AKIRIN1: variants seen among roughly 807,000 people sequenced by gnomAD.
AKIRIN1 encodes the protein akirin 1.
In AKIRIN1, 4 loss-of-function variants were observed where a neutral mutation model predicts 25.9. That is an observed-to-expected ratio of 0.15 (90% CI 0.08 to 0.35). The LOEUF (loss-of-function observed/expected upper bound fraction) is 0.35, where lower values mean the gene tolerates loss of function less well. Among genes scored for constraint, AKIRIN1 ranks in the 10% least tolerant of loss-of-function variants. The probability of loss-of-function intolerance (pLI) is 1.00; values close to 1 mark genes in which losing one functional copy is unlikely to be tolerated. For missense variants in AKIRIN1, 243 were observed against 266.1 expected (o/e 0.91, Z 0.61); for synonymous variants, 125 against 105.1 (o/e 1.19, Z -1.16).
At chr1:38,993,664 C>T (rs538868668) in intron 1 of AKIRIN1, among the ~76,000 whole-genome samples, 68 of 149,572 alleles carry the variant, frequency 4.5e-4, no homozygotes, top group Non-Finnish European at 8.3e-4. Context: ...GTGGGCAAGG[C>T]GTGGTGGCTC....
intron 1 of AKIRIN1, among the ~76,000 whole-genome samples, chr1:38,992,262 C>T (rs1470095491): frequency 6.6e-6 from 1 of 152,140 alleles, no homozygotes; most frequent in African/African-American, 2.4e-5. Context: ...TTCTACAGAA[C>T]TAAGAATGTA....
At chr1:38,991,668 G>C in intron 1 of AKIRIN1, 68 bp downstream of exon 1, 1 of 648,118 alleles carries the variant, frequency 1.5e-6, no homozygotes, top group East Asian at 4.7e-5. Flanking sequence ...GGTGGTGGGG[G>C]AGGGTTGGGA....
chr1:38,993,861 G>A (rs942361941), intron 1 of AKIRIN1, among the ~76,000 whole-genome samples: 2 of 151,862 alleles, frequency 1.3e-5, no homozygotes, highest in African/African-American at 4.8e-5. Context: ...ACCTGAGGTC[G>A]GGAGTTCAAG....
Position 39,004,716 on chromosome 1 carries a change from A to G in AKIRIN1, c.*661A>G, listed in dbSNP as rs116861301. ...TATATCTACAGACACGTGGTGAGAA[A>G]TTAGAACAAACTGGAGACGGGCCAT... On this transcript the variant is annotated 3_prime_UTR_variant, in exon 5 of 5. Transcript: ENST00000432648. 4.3e-4 allele frequency: 67 copies of G among 156,812 alleles called. No individual in the cohort carries two copies. In the East Asian group the frequency reaches 0.013, roughly 30 times the overall value. The allele number at this position is 156,812 out of a possible 1,614,324, so 9.7% of individuals were successfully genotyped here.
intron 3 of AKIRIN1, among the ~76,000 whole-genome samples, chr1:39,001,412 C>T (rs996840189): frequency 1.3e-5 from 2 of 151,506 alleles, no homozygotes; most frequent in East Asian, 2.0e-4. Flanking sequence ...TACAGGCATG[C>T]GCCACCATGC....
In AKIRIN1 at chr1:39,001,049, G is replaced by A; in HGVS notation, c.439G>A (p.Asp147Asn). ...CATAATATGTGAGCGCCTCTTAAAA[G>A]ACTATGAAGATAAAATTCGGGAGGA... ...VGIICERLLK[D>N]YEDKIREEYE... Residue 147 changes from aspartate (D) to asparagine (N), a missense_variant, in exon 3 of 5, where the codon GAC becomes AAC. Asp to Asn is a conservative substitution (Grantham distance 23, BLOSUM62 1). Around this residue, in one of 3 missense-constraint regions of AKIRIN1, gnomAD observed 190 missense variants for 174.4 expected, o/e 1.09. Coordinates refer to ENST00000432648, the MANE Select transcript of AKIRIN1 (RefSeq NM_024595.3). The A allele has an allele frequency of 1.2e-6, 2 of 1,613,968 alleles. No homozygotes were observed. Among genetic ancestry groups the A allele is most frequent in the Non-Finnish European group, 1.7e-6 (2 of 1,179,970 alleles).
At chr1:39,002,205 G>A (rs999203946) in intron 3 of AKIRIN1, among the ~76,000 whole-genome samples, 2 of 152,208 alleles carry the variant, frequency 1.3e-5, no homozygotes, top group Non-Finnish European at 2.9e-5. Flanking sequence ...GACAGTGTGA[G>A]TAATTAAGAA....
chr1:38,993,902 C>T (rs969130264), intron 1 of AKIRIN1, among the ~76,000 whole-genome samples: 1 of 151,632 alleles, frequency 6.6e-6, no homozygotes, highest in Non-Finnish European at 1.5e-5. Context: ...GAAATCCTGT[C>T]TCTACTAAAA....
Position 38,991,560 on chromosome 1 carries a change from GC to G in AKIRIN1, c.183del (p.Ala62ProfsTer19). 1 of 1,328,244 alleles carries G rather than the reference GC, an allele frequency of 7.5e-7. No homozygotes were observed. 82.3% of individuals were successfully genotyped at this position (1,328,244 alleles called of 1,614,324 possible). On this transcript the variant is annotated frameshift_variant, in exon 1 of 5. Transcript: ENST00000432648. LOFTEE classifies it high-confidence loss of function. ...AGACCCCACCGCAGAGTCTGCAGCA[GC>G]CCGCCCCGCCCGGCAGCGAGCGGCG... ...TQTPPQSLQQPAPPGSERRLP... is the reference protein window; with the variant it reads ...TQTPPQSLQQXAPPGSERRLP...
At position 39,004,128 on chromosome 1, in the gene AKIRIN1, G is replaced by T; in HGVS notation, c.*73G>T. ...GCTGTACACTTTTTGCAACTGGTTT[G>T]ATGTCACATTTCAGCTCCAACTTTG... On this transcript the variant is annotated 3_prime_UTR_variant, in exon 5 of 5. Transcript: ENST00000432648. 1 of 1,504,144 alleles carries T rather than the reference G, an allele frequency of 6.6e-7. No individual in the cohort carries two copies. Among genetic ancestry groups the T allele is most frequent in the Non-Finnish European group, 9.3e-7 (1 of 1,080,062 alleles). 93.2% of individuals were successfully genotyped at this position (1,504,144 alleles called of 1,614,324 possible).
chr1:38,999,974 C>G (rs551630661), intron 2 of AKIRIN1, among the ~76,000 whole-genome samples: 1 of 152,120 alleles, frequency 6.6e-6, no homozygotes, highest in Non-Finnish European at 1.5e-5. Flanking sequence ...CCTTCACCTC[C>G]CAGGTTCAAG....
At chr1:38,994,051 CAA>C (rs550952468) in intron 1 of AKIRIN1, among the ~76,000 whole-genome samples, 134 of 142,830 alleles carry the variant, frequency 9.4e-4, no homozygotes, top group Middle Eastern at 3.8e-3. Context: ...TCCTGGGTGA[CAA>C]GAGTGAAACT....
intron 3 of AKIRIN1, among the ~76,000 whole-genome samples, 163 bp downstream of exon 3, chr1:39,001,269 A>G (rs1044475977): frequency 4.1e-5 from 6 of 147,556 alleles, no homozygotes; most frequent in African/African-American, 1.0e-4. Context: ...TCATTTATAC[A>G]TTATATGGAA....
intron 1 of AKIRIN1, among the ~76,000 whole-genome samples, chr1:38,997,811 AGGT>A (rs1643958291): frequency 6.6e-6 from 1 of 152,236 alleles, no homozygotes; most frequent in Non-Finnish European, 1.5e-5. Context: ...AGGTAAACAG[AGGT>A]TTCTTTTACT....
At chr1:38,994,197 T>C (rs1380118028) in intron 1 of AKIRIN1, among the ~76,000 whole-genome samples, 1 of 151,802 alleles carries the variant, frequency 6.6e-6, no homozygotes, top group East Asian at 1.9e-4. Flanking sequence ...TTCACTGGAG[T>C]TTTTCTCATT....
chr1:38,998,777 G>A (rs1008017098), intron 2 of AKIRIN1, among the ~76,000 whole-genome samples: 5 of 151,756 alleles, frequency 3.3e-5, no homozygotes, highest in African/African-American at 7.3e-5. Context: ...ATGGTGGCTC[G>A]CAGCTGTAAT....
At chr1:38,992,394 T>C (rs1201506998) in intron 1 of AKIRIN1, among the ~76,000 whole-genome samples, 1 of 152,178 alleles carries the variant, frequency 6.6e-6, no homozygotes, top group African/African-American at 2.4e-5. Flanking sequence ...AGCATTAATA[T>C]TCTGCGATTT....
chr1:38,994,588 C>T (rs1392928248), intron 1 of AKIRIN1, among the ~76,000 whole-genome samples: 11 of 150,656 alleles, frequency 7.3e-5, no homozygotes, highest in Admixed American at 1.3e-4. Flanking sequence ...TCACTGCAAC[C>T]GCCGTCTCCC....
intron 2 of AKIRIN1, among the ~76,000 whole-genome samples, chr1:38,999,316 TA>T (rs1643970979): frequency 6.6e-6 from 1 of 152,322 alleles, no homozygotes; most frequent in Non-Finnish European, 1.5e-5. Flanking sequence ...GAATTAGGGT[TA>T]GGGGAGAATG....
Sources: allele counts gnomAD v4.1 joint callset (sites outside exome capture counted in the v4.1 genomes callset), GRCh38; gene constraint gnomAD v4.1.1; regional missense constraint gnomAD v4.1.1; transcripts MANE v1.5; gene names NCBI Gene and HGNC (gene_info 2026-07-23, HGNC 2026-07-21).